SPRYD3: variants seen among roughly 807,000 people sequenced by gnomAD.
SPRYD3 encodes SPRY domain containing 3.
Under a neutral mutation model 50.1 loss-of-function variants are expected in SPRYD3, and 17 were observed. The observed-to-expected ratio is 0.34, with a 90% confidence interval of 0.23 to 0.51. The LOEUF (loss-of-function observed/expected upper bound fraction) is 0.51, where lower values mean the gene tolerates loss of function less well. Among genes scored for constraint, SPRYD3 ranks in the 20% least tolerant of loss-of-function variants. SPRYD3 has a pLI of 0.97. For missense variants in SPRYD3, 401 were observed against 591.2 expected (o/e 0.68, Z 3.34); for synonymous variants, 198 against 215.5 (o/e 0.92, Z 0.71).
Position 53,065,524 on chromosome 12 carries a change from C to T in SPRYD3, c.*308G>A, listed in dbSNP as rs75346079. 5.7e-5 allele frequency: 19 copies of T among 333,852 alleles called. No homozygotes were observed. The highest frequency in any genetic ancestry group is 8.9e-5 in the Non-Finnish European group (16 of 179,252). 20.7% of individuals were successfully genotyped at this position (333,852 alleles called of 1,614,324 possible). Reference sequence around the variant, plus strand: ...TCACGCCTCTCCACCCACACAGGGCCGGTGAGGGAAAGGGGGACCCAGAAG... The same window carrying T: ...TCACGCCTCTCCACCCACACAGGGCTGGTGAGGGAAAGGGGGACCCAGAAG... On this transcript the variant is annotated 3_prime_UTR_variant, in exon 11 of 11. Transcript: ENST00000301463.
Position 53,066,664 on chromosome 12 carries a change from A to G in SPRYD3, c.930T>C (p.Gly310=), listed in dbSNP as rs1472594339. ...ADDGKIFHGS[G]VGDPFGPRCY... ...AGCGTGGCCCAAAGGGGTCCCCCAC[A>G]CCACTGCCATGGAAGATCTTCCCAT... The change falls in exon 9 of 11, where the codon GGT becomes GGC. Residue 310 remains glycine, a synonymous_variant. Coordinates refer to ENST00000301463, the MANE Select transcript of SPRYD3 (RefSeq NM_032840.3). 5 of 1,612,852 alleles carry G rather than the reference A, an allele frequency of 3.1e-6. No individual in the cohort carries two copies. In the East Asian group the frequency reaches 1.1e-4, roughly 36 times the overall value.
At chr12:53,077,055 C>T (rs1029286570) in intron 2 of SPRYD3, 60 bp downstream of exon 2, 5 of 1,548,478 alleles carry the variant, frequency 3.2e-6, no homozygotes, top group Middle Eastern at 1.7e-4. Flanking sequence ...AAAAAAAAAC[C>T]CTTTCCTCTC....
rs1170879643 is a variant in SPRYD3, at chr12:53,077,343, AGGCACT to A, written c.24-88_24-83del. 3 of 1,517,042 alleles carry A rather than the reference AGGCACT, an allele frequency of 2.0e-6. No individual in the cohort carries two copies. The African/African-American group carries it at 4.2e-5, about 21-fold the overall frequency. 94.0% of individuals were successfully genotyped at this position (1,517,042 alleles called of 1,614,324 possible). A position where few individuals can be genotyped will look rare whatever the true frequency, so the allele number is the denominator to read the frequency against. On this transcript the variant is annotated intron_variant, in intron 1 of 10. Coordinates refer to ENST00000301463, the MANE Select transcript of SPRYD3 (RefSeq NM_032840.3). ...GCCTCTGTGACCCAGAAGGTAGAGA[AGGCACT>A]GGCCTTGAGGCCAGCTGCCCAGATT... is the stretch of plus-strand genomic sequence containing the variant.
chr12:53,073,932 AGTTTCCAAAT>A (rs113000450), intron 5 of SPRYD3, among the ~76,000 whole-genome samples: 4 of 151,834 alleles, frequency 2.6e-5, no homozygotes, highest in African/African-American at 9.7e-5. Context: ...GGTGCAGAAA[AGTTTCCAAAT>A]GTGCTAAGTA....
At position 53,066,438 on chromosome 12, in the gene SPRYD3, C is replaced by T. The variant is rs372927015; in HGVS notation, c.1070G>A (p.Arg357Gln). Residue 357 changes from arginine to glutamine, a missense_variant, in exon 10 of 11, where the codon CGG (arginine) becomes CAG (glutamine). Coordinates refer to ENST00000301463, the MANE Select transcript of SPRYD3 (RefSeq NM_032840.3). ...GACATTCCGCACGTTCCGGACGGCCCGGGCAGTCGGAGACAGGATCACTGT... is the reference window on the plus strand; with the variant it reads ...GACATTCCGCACGTTCCGGACGGCCTGGGCAGTCGGAGACAGGATCACTGT... ...CDTVILSPTA[R>Q]AVRNVRNVMY... The T allele has an allele frequency of 6.2e-7, 1 of 1,614,132 alleles. No individual in the cohort carries two copies.
At chr12:53,077,596 T>G (rs895140893) in intron 1 of SPRYD3, among the ~76,000 whole-genome samples, 1 of 152,132 alleles carries the variant, frequency 6.6e-6, no homozygotes, top group African/African-American at 2.4e-5. Flanking sequence ...AGGCAGTGGA[T>G]AGAGTGGACA....
intron 2 of SPRYD3, 85 bp from the exon 3 acceptor site, chr12:53,075,896 G>A: frequency 1.0e-6 from 1 of 996,472 alleles, no homozygotes; most frequent in Non-Finnish European, 1.6e-6. Flanking sequence ...CCCTTACCCT[G>A]CAAGGGCCAG....
intron 7 of SPRYD3, 78 bp downstream of exon 7, chr12:53,068,077 A>C: frequency 6.4e-7 from 1 of 1,558,828 alleles, no homozygotes; most frequent in Non-Finnish European, 8.8e-7. Flanking sequence ...GGTTTCTCCT[A>C]AGAGCTTCCT....
intron 6 of SPRYD3, 30 bp downstream of exon 6, chr12:53,073,256 G>GCCCCCGGGGGGGGGGGGCC: frequency 3.1e-5 from 13 of 424,126 alleles, no homozygotes; most frequent in East Asian, 7.6e-5. Context: ...CTCCGACCCA[G>GCCCCCGGGGGGGGGGGGCC]CCCCTCCCAC....
rs1944495245 is a variant in SPRYD3 at position 53,065,426 on chromosome 12, T to C, written c.*406A>G. The C allele has an allele frequency of 5.9e-6, 1 of 168,910 alleles. No homozygotes were observed. Among genetic ancestry groups the C allele is most frequent in the Non-Finnish European group, 1.3e-5 (1 of 79,402 alleles). The allele number at this position is 168,910 out of a possible 1,614,324, so 10.5% of individuals were successfully genotyped here. A position where few individuals can be genotyped will look rare whatever the true frequency, so the allele number is the denominator to read the frequency against. On this transcript the variant is annotated 3_prime_UTR_variant, in exon 11 of 11. Coordinates refer to ENST00000301463, the MANE Select transcript of SPRYD3 (RefSeq NM_032840.3). ...AGGAATTCAAGGAGAAATACCATGG[T>C]GAGTAGGGGAGGGGGCTGTCTACTC...
At chr12:53,067,836 G>A in intron 7 of SPRYD3, 131 bp from the exon 8 acceptor site, 1 of 853,434 alleles carries the variant, frequency 1.2e-6, no homozygotes. Flanking sequence ...CTCATACCCT[G>A]CAGGCACTGG....
Position 53,066,683 on chromosome 12 carries a change from T to C in SPRYD3, c.911A>G (p.Lys304Arg). 6.2e-7 allele frequency: 1 copy of C among 1,610,372 alleles called. No homozygotes were observed. The highest frequency in any genetic ancestry group is 8.5e-7 in the Non-Finnish European group (1 of 1,177,600). The change falls in exon 9 of 11, where the codon AAG becomes AGG. Residue 304 changes from lysine (K) to arginine (R), a missense_variant. By Grantham distance (26) the Lys-to-Arg change is conservative. Transcript: ENST00000301463. ...CCCCACACCACTGCCATGGAAGATC[T>C]TCCCATCGTCTGTTGGAGGGAGGGG... ...GSVAYHADDG[K>R]IFHGSGVGDP...
At chr12:53,069,358 C>T (rs560030060) in intron 6 of SPRYD3, among the ~76,000 whole-genome samples, 2 of 152,156 alleles carry the variant, frequency 1.3e-5, no homozygotes, top group Non-Finnish European at 2.9e-5. Context: ...TTTGGGACGC[C>T]GGCCTCTCAC....
intron 6 of SPRYD3, among the ~76,000 whole-genome samples, chr12:53,070,091 C>T (rs910356258): frequency 2.6e-5 from 4 of 152,182 alleles, no homozygotes; most frequent in African/African-American, 9.7e-5. Context: ...GACGGACTAC[C>T]CCAACATGGG....
chr12:53,076,590 T>C (rs1411760718), intron 2 of SPRYD3, among the ~76,000 whole-genome samples: 9 of 152,208 alleles, frequency 5.9e-5, no homozygotes, highest in Admixed American at 5.9e-4. Flanking sequence ...CTGTGTCTGA[T>C]GTGATCCCTT....
Position 53,074,976 on chromosome 12 carries a change from G to T in SPRYD3, c.371+119C>A. On this transcript the variant is annotated intron_variant, in intron 4 of 10. Transcript: ENST00000301463. The surrounding 1 kb of genome is among the most constrained non-coding windows in gnomAD (Gnocchi z 4.6). ...AAGGGTGCTGCCAGGCCACTTCCCTGTCCTGACCAGAAAAGTCTATGAAAC... is the reference window on the plus strand; with the variant it reads ...AAGGGTGCTGCCAGGCCACTTCCCTTTCCTGACCAGAAAAGTCTATGAAAC... 1 of 1,458,116 alleles carries T rather than the reference G, an allele frequency of 6.9e-7. No homozygotes were observed. The highest frequency in any genetic ancestry group is 9.5e-7 in the Non-Finnish European group (1 of 1,053,808). The allele number at this position is 1,458,116 out of a possible 1,614,324, so 90.3% of individuals were successfully genotyped here. A position where few individuals can be genotyped will look rare whatever the true frequency, so the allele number is the denominator to read the frequency against.
chr12:53,075,709 G>T lies in SPRYD3; in HGVS notation c.246+27C>A, dbSNP rs779291907. On this transcript the variant is annotated intron_variant, in intron 3 of 10. Transcript: ENST00000301463. ...GATCTCACCCCCAAGCTCACCCCCT[G>T]CTCTGCCCACCCACTGCCTTGATCA... is the stretch of plus-strand genomic sequence containing the variant. The T allele has an allele frequency of 1.9e-6, 3 of 1,591,362 alleles. No homozygotes were observed. In the Admixed American group the frequency reaches 5.0e-5, roughly 27 times the overall value.
In SPRYD3 at chr12:53,065,794, G is replaced by A; in HGVS notation, c.*38C>T. 1 of 1,593,256 alleles carries A rather than the reference G, an allele frequency of 6.3e-7. No homozygotes were observed. The highest frequency in any genetic ancestry group is 8.6e-7 in the Non-Finnish European group (1 of 1,166,370). On this transcript the variant is annotated 3_prime_UTR_variant, in exon 11 of 11. Coordinates refer to ENST00000301463, the MANE Select transcript of SPRYD3 (RefSeq NM_032840.3). ...GAACTGGGTGCCTGGCCCAGCAGAG[G>A]GTGAGCAGGGAGAAGGAGCAGGTCT...
intron 6 of SPRYD3, among the ~76,000 whole-genome samples, chr12:53,068,546 A>C (rs543597507): frequency 6.6e-6 from 1 of 152,226 alleles, no homozygotes; most frequent in Non-Finnish European, 1.5e-5. Flanking sequence ...TCCCCCACAC[A>C]CTTTCTGGGA....
Sources: gnomAD v4.1 joint callset for allele counts (sites outside exome capture counted in the v4.1 genomes callset) on GRCh38, gnomAD v4.1.1 for gene constraint, Gnocchi (gnomAD v3.1) non-coding constraint, MANE v1.5 for transcripts, NCBI Gene and HGNC (gene_info 2026-07-23, HGNC 2026-07-21) for gene names.